The following CACNG3 variants were observed in gnomAD, a reference collection of about 807,000 sequenced individuals.
The protein encoded by CACNG3 is voltage-dependent calcium channel gamma-3 subunit.
A neutral mutation model predicts 28.5 loss-of-function variants in CACNG3; 3 were observed. That is an observed-to-expected ratio of 0.11 (90% CI 0.05 to 0.27). CACNG3 has a LOEUF of 0.27. Ranked by LOEUF, CACNG3 falls within the 10% of genes least tolerant of loss-of-function variation. CACNG3 has a pLI of 1.00. For missense variants in CACNG3, 236 were observed against 414.4 expected, an observed-to-expected ratio of 0.57 and a Z score of 3.74; for synonymous variants, 174 against 162.2, an observed-to-expected ratio of 1.07 and a Z score of -0.55.
intron 1 of CACNG3, among the ~76,000 whole-genome samples, chr16:24,267,427 A>G (rs1898627506): frequency 6.6e-6 from 1 of 152,096 alleles, no homozygotes; most frequent in African/African-American, 2.4e-5. Flanking sequence ...AGCTGCGACT[A>G]CAGGCACATG....
intron 3 of CACNG3, among the ~76,000 whole-genome samples, chr16:24,357,943 T>C (rs1286264074): frequency 6.6e-6 from 1 of 152,160 alleles, no homozygotes; most frequent in Non-Finnish European, 1.5e-5. Flanking sequence ...ACGTAGGAAC[T>C]AGAAAGTGTG....
chr16:24,337,815 C>T (rs1231079067), intron 1 of CACNG3, among the ~76,000 whole-genome samples: 2 of 151,180 alleles, frequency 1.3e-5, no homozygotes, highest in East Asian at 2.0e-4. Flanking sequence ...TTACTCCCTA[C>T]CCTAAGAAAG....
At position 24,299,942 on chromosome 16, in the gene CACNG3, A is replaced by G. The variant is rs574421834; in HGVS notation, c.211+42977A>G. On this transcript the variant is annotated intron_variant, in intron 1 of 3. Coordinates refer to ENST00000005284, the MANE Select transcript of CACNG3 (RefSeq NM_006539.4). ...CATGGATGCACACATGCACACGCAC[A>G]CACACACACACACACACATACGATA... is the stretch of plus-strand genomic sequence containing the variant. Among the ~76,000 whole-genome samples the G allele has an allele frequency of 6.0e-3, 902 of 150,656 alleles. 13 individuals carry two copies. The highest frequency in any genetic ancestry group is 0.021 in the African/African-American group (842 of 40,230).
At chr16:24,353,772 C>G (rs1899990963) in intron 2 of CACNG3, among the ~76,000 whole-genome samples, 1 of 152,204 alleles carries the variant, frequency 6.6e-6, no homozygotes, top group Non-Finnish European at 1.5e-5. Context: ...GTCATACTCT[C>G]TACTATGCAA....
intron 1 of CACNG3, among the ~76,000 whole-genome samples, chr16:24,337,436 C>T (rs1338833498): frequency 6.6e-6 from 1 of 152,106 alleles, no homozygotes; most frequent in Non-Finnish European, 1.5e-5. Flanking sequence ...AGGAAACACT[C>T]AAAATAGGGA....
At chr16:24,313,007 AAGAGAGAAAGAG>A (rs1899293456) in intron 1 of CACNG3, among the ~76,000 whole-genome samples, 1 of 148,890 alleles carries the variant, frequency 6.7e-6, no homozygotes, top group Non-Finnish European at 1.5e-5. Context: ...AAGAAAGAAA[AAGAGAGAAAGAG>A]AGAGAGGAAG....
chr16:24,347,841 C>A (rs993220585), intron 2 of CACNG3, among the ~76,000 whole-genome samples: 1 of 152,176 alleles, frequency 6.6e-6, no homozygotes, highest in Non-Finnish European at 1.5e-5. Context: ...AGGCAAGGGG[C>A]TTTACCTCTC....
At chr16:24,330,726 A>G (rs537377902) in intron 1 of CACNG3, among the ~76,000 whole-genome samples, 1 of 152,324 alleles carries the variant, frequency 6.6e-6, no homozygotes, top group African/African-American at 2.4e-5. Context: ...GCTAAGACCC[A>G]GGACACTTGT....
chr16:24,297,987 CTGTGTGTGTGTG>C (rs55859502), intron 1 of CACNG3, among the ~76,000 whole-genome samples: 29 of 149,078 alleles, frequency 1.9e-4, no homozygotes, highest in Non-Finnish European at 3.7e-4. Flanking sequence ...TTCAAAAGAT[CTGTGTGTGTGTG>C]TGTGTGTGTG....
At chr16:24,342,930 C>A (rs1899811294) in intron 1 of CACNG3, among the ~76,000 whole-genome samples, 1 of 152,124 alleles carries the variant, frequency 6.6e-6, no homozygotes, top group Non-Finnish European at 1.5e-5. Context: ...TGGCTCACCC[C>A]TGTAATCCCA....
intron 1 of CACNG3, among the ~76,000 whole-genome samples, chr16:24,290,211 C>G (rs1348870030): frequency 6.6e-6 from 1 of 151,922 alleles, no homozygotes; most frequent in African/African-American, 2.4e-5. Context: ...TCATCTTGTT[C>G]CAGAAAGAAT....
chr16:24,301,180 C>T (rs1035212405), intron 1 of CACNG3, among the ~76,000 whole-genome samples: 2 of 149,370 alleles, frequency 1.3e-5, no homozygotes, highest in Non-Finnish European at 3.0e-5. Context: ...CACTGCACTC[C>T]AGCCTGGGCA....
intron 1 of CACNG3, among the ~76,000 whole-genome samples, chr16:24,289,050 A>C (rs1031209004): frequency 6.6e-6 from 1 of 152,182 alleles, no homozygotes; most frequent in Non-Finnish European, 1.5e-5. Flanking sequence ...GATGCAGCTC[A>C]AATGTCCTCT....
At chr16:24,354,254 T>C (rs949444605) in intron 2 of CACNG3, among the ~76,000 whole-genome samples, 5 of 152,160 alleles carry the variant, frequency 3.3e-5, no homozygotes, top group African/African-American at 9.6e-5. Context: ...GTGATCGCTC[T>C]CGATCTATCA....
intron 1 of CACNG3, among the ~76,000 whole-genome samples, chr16:24,292,480 C>T (rs1898978944): frequency 6.6e-6 from 1 of 152,140 alleles, no homozygotes. Context: ...TGCAGATGGC[C>T]CGAATTGGAA....
At chr16:24,277,567 G>A (rs1468112294) in intron 1 of CACNG3, among the ~76,000 whole-genome samples, 2 of 152,134 alleles carry the variant, frequency 1.3e-5, no homozygotes, top group Non-Finnish European at 2.9e-5. Context: ...TTGAGGTCAG[G>A]AGTTCGAGAC....
chr16:24,312,586 C>T (rs1027191740), intron 1 of CACNG3, among the ~76,000 whole-genome samples: 1 of 152,064 alleles, frequency 6.6e-6, no homozygotes, highest in African/African-American at 2.4e-5. Context: ...GAGGTTAAAG[C>T]AGGAGGATAG....
chr16:24,304,447 C>T (rs184671131), intron 1 of CACNG3, among the ~76,000 whole-genome samples: 3 of 152,066 alleles, frequency 2.0e-5, no homozygotes, highest in Admixed American at 2.0e-4. Context: ...TATACCTCTG[C>T]CTAACCAGCG....
intron 1 of CACNG3, among the ~76,000 whole-genome samples, chr16:24,306,765 T>G (rs909673679): frequency 6.6e-6 from 1 of 152,098 alleles, no homozygotes; most frequent in Admixed American, 6.6e-5. Flanking sequence ...CAGCCCTTCA[T>G]TCAGCCCACC....
Sources: gnomAD v4.1 joint callset for allele counts (sites outside exome capture counted in the v4.1 genomes callset) on GRCh38, gnomAD v4.1.1 for gene constraint, MANE v1.5 for transcripts, NCBI Gene and HGNC (gene_info 2026-07-23, HGNC 2026-07-21) for gene names.